The following PHKA1 variants were observed in gnomAD, a reference collection of about 807,000 sequenced individuals.
PHKA1 encodes phosphorylase b kinase regulatory subunit alpha, skeletal muscle isoform.
A neutral mutation model predicts 110.2 loss-of-function variants in PHKA1; 60 were observed. The ratio of observed to expected loss-of-function variants is 0.54; its 90% CI spans 0.44 to 0.68. PHKA1 has a LOEUF of 0.68. PHKA1 is among the 30% of genes least tolerant of loss of function. PHKA1 has a pLI of 0.00. For synonymous variants in PHKA1, 316 were observed against 333.6 expected (o/e 0.95, Z 0.58); for missense variants, 801 against 942.5 (o/e 0.85, Z 1.97).
intron 21 of PHKA1, among the ~76,000 whole-genome samples, chrX:72,611,536 T>C (rs782536222): frequency 8.9e-6 from 1 of 112,140 alleles, no homozygotes; most frequent in East Asian, 2.8e-4. Flanking sequence ...GAAAAAATGT[T>C]TGCAATTCAT....
intron 16 of PHKA1, among the ~76,000 whole-genome samples, chrX:72,630,431 C>T (rs2053150059): frequency 9.1e-6 from 1 of 109,291 alleles, no homozygotes; most frequent in African/African-American, 3.3e-5. Flanking sequence ...TTATTATTTC[C>T]TTTCTGTTTC....
At chrX:72,706,467 A>G (rs183826372) in intron 2 of PHKA1, among the ~76,000 whole-genome samples, 1 of 111,829 alleles carries the variant, frequency 8.9e-6, no homozygotes, top group East Asian at 2.8e-4. Context: ...GAAAGTATTT[A>G]ACACAACCTC....
intron 29 of PHKA1, among the ~76,000 whole-genome samples, chrX:72,589,045 T>C (rs782567781): frequency 3.6e-5 from 4 of 111,320 alleles, no homozygotes; most frequent in Non-Finnish European, 5.7e-5. Context: ...TTCCAATCAA[T>C]AGAAAGACGG....
intron 21 of PHKA1, among the ~76,000 whole-genome samples, chrX:72,614,052 T>A (rs2052853618): frequency 8.9e-6 from 1 of 112,080 alleles, no homozygotes; most frequent in African/African-American, 3.2e-5. Context: ...ACTATTGGGC[T>A]ATATGACAAA....
At position 72,713,859 on chromosome X, in the gene PHKA1, C is replaced by G. The variant is rs1191026735; in HGVS notation, c.22G>C (p.Gly8Arg). The change falls in exon 1 of 32, where the codon GGG (glycine) becomes CGG (arginine). Residue 8 changes from glycine to arginine, a missense_variant. By Grantham distance (125) the Gly-to-Arg change is moderately radical (BLOSUM62 -2). Transcript: ENST00000373542. ...CGAGCGTAGCCGTCCAGCCGGACCC[C>G]GGAGTTACTCCGGCTCCTCATGGCG... is the stretch of plus-strand genomic sequence containing the variant. MRSRSNS[G>R]VRLDGYARLV... is the part of the protein sequence containing the mutation. 8.3e-7 allele frequency: 1 copy of G among 1,205,227 alleles called. No individual in the cohort carries two copies. Among genetic ancestry groups the G allele is most frequent in the Non-Finnish European group, 1.1e-6 (1 of 890,591 alleles).
intron 28 of PHKA1, chrX:72,599,679 C>A: frequency 5.7e-6 from 2 of 351,313 alleles, no homozygotes; most frequent in Non-Finnish European, 1.0e-5. Flanking sequence ...GATTCACCCC[C>A]ATATATGAAA....
chrX:72,658,933 G>C (rs2053529011), intron 8 of PHKA1, among the ~76,000 whole-genome samples: 1 of 112,038 alleles, frequency 8.9e-6, no homozygotes, highest in African/African-American at 3.2e-5. Flanking sequence ...GATACTGTGA[G>C]ACTATTCGAA....
chrX:72,620,970 C>A, intron 18 of PHKA1, 69 bp from the exon 19 acceptor site: 1 of 1,096,214 alleles, frequency 9.1e-7, no homozygotes, highest in East Asian at 3.1e-5. Flanking sequence ...ACAATCTACC[C>A]CAGCAAAGAG....
At chrX:72,647,129 C>CAA (rs371176636) in intron 13 of PHKA1, among the ~76,000 whole-genome samples, 2 of 80,632 alleles carry the variant, frequency 2.5e-5, no homozygotes, top group Admixed American at 1.4e-4. Flanking sequence ...GACTCCATCT[C>CAA]AAAAAAAAAA....
chrX:72,687,827 A>C (rs2053985522), intron 4 of PHKA1, among the ~76,000 whole-genome samples: 1 of 109,019 alleles, frequency 9.2e-6, no homozygotes, highest in South Asian at 3.9e-4. Flanking sequence ...TATTATCAGA[A>C]ACTTTTTTTT....
chrX:72,627,472 T>C (rs2053093267), intron 16 of PHKA1, among the ~76,000 whole-genome samples: 2 of 112,367 alleles, frequency 1.8e-5, no homozygotes, highest in Non-Finnish European at 3.8e-5. Context: ...GCATAAAAAA[T>C]ATCTAGAAAG....
At position 72,627,018 on chromosome X, in the gene PHKA1, G is replaced by C. The variant is rs2053084765; in HGVS notation, c.1746C>G (p.Ile582Met). Residue 582 changes from isoleucine (I) to methionine (M), a missense_variant, in exon 17 of 32, where the codon ATC (isoleucine) becomes ATG (methionine). Ile to Met is a conservative substitution (Grantham distance 10, BLOSUM62 1). Transcript: ENST00000373542. ...DEDGTSLNSS[I>M]LAALRKMQDG... The stretch of plus-strand genomic sequence containing the variant: ...CTTGCATTTTTCGGAGTGCTGCCAG[G>C]ATACTTGAATTCAAGCTTGTTCCAT... 8.3e-7 allele frequency: 1 copy of C among 1,207,724 alleles called. No individual in the cohort carries two copies. Among genetic ancestry groups the C allele is most frequent in the Non-Finnish European group, 1.1e-6 (1 of 893,108 alleles).
chrX:72,603,581 C>G (rs2052686670), intron 25 of PHKA1, among the ~76,000 whole-genome samples: 1 of 111,296 alleles, frequency 9.0e-6, no homozygotes, highest in East Asian at 2.8e-4. Flanking sequence ...TGCAGATAAA[C>G]TAAAATAATT....
intron 6 of PHKA1, 127 bp from the exon 7 acceptor site, chrX:72,667,600 T>C: frequency 1.9e-6 from 1 of 520,048 alleles, no homozygotes; most frequent in Admixed American, 2.9e-5. Flanking sequence ...GAATATATAA[T>C]ACAAAAACAT....
chrX:72,699,253 A>C (rs1023647439), intron 3 of PHKA1, among the ~76,000 whole-genome samples: 53 of 110,228 alleles, frequency 4.8e-4, no homozygotes, highest in African/African-American at 1.7e-3. Context: ...CATGCCTGTA[A>C]TACCAGCACT....
Position 72,636,378 on chromosome X carries a change from T to C in PHKA1, c.1468A>G (p.Asn490Asp). ...GGTCGTCCACTGAGTTTCATTCTATTGTTGCATCCTGATACAGAATTGAGA... is the reference window on the plus strand; with the variant it reads ...GGTCGTCCACTGAGTTTCATTCTATCGTTGCATCCTGATACAGAATTGAGA... Reference protein sequence around the residue: ...SHIYSSLGCNNRMKLSGRPYR... With the variant: ...SHIYSSLGCNDRMKLSGRPYR... The change falls in exon 15 of 32, where the codon AAT (asparagine) becomes GAT (aspartate). Residue 490 changes from asparagine to aspartate, a missense_variant. Asn to Asp is a conservative substitution (Grantham distance 23). Coordinates refer to ENST00000373542, the MANE Select transcript of PHKA1 (RefSeq NM_002637.4). 5.3e-6 allele frequency: 6 copies of C among 1,138,475 alleles called. No homozygotes were observed. The highest frequency in any genetic ancestry group is 7.2e-6 in the Non-Finnish European group (6 of 828,668). 93.8% of individuals were successfully genotyped at this position (1,138,475 alleles called of 1,213,427 possible).
intron 2 of PHKA1, chrX:72,707,977 G>A (rs964824057): frequency 9.0e-6 from 1 of 111,349 alleles, no homozygotes; most frequent in Admixed American, 9.6e-5. Context: ...CTGTACAAGT[G>A]AGTGGTCTGT....
intron 5 of PHKA1, among the ~76,000 whole-genome samples, chrX:72,681,682 C>T (rs1603270460): frequency 1.2e-5 from 1 of 84,684 alleles, no homozygotes; most frequent in African/African-American, 4.6e-5. Flanking sequence ...GGGGGGTCAG[C>T]CCCCCACCTG....
chrX:72,630,672 T>G (rs2053152794), intron 16 of PHKA1, among the ~76,000 whole-genome samples: 1 of 111,278 alleles, frequency 9.0e-6, no homozygotes, highest in Non-Finnish European at 1.9e-5. Context: ...GTTTGTTGCT[T>G]ATAGAAATGG....
Sources: allele counts gnomAD v4.1 joint callset (sites outside exome capture counted in the v4.1 genomes callset), GRCh38; gene constraint gnomAD v4.1.1; transcripts MANE v1.5; gene names NCBI Gene and HGNC (gene_info 2026-07-23, HGNC 2026-07-21).